The following ROBO1 variants were observed in gnomAD, a reference collection of about 807,000 sequenced individuals.
ROBO1 encodes the protein roundabout homolog 1.
In ROBO1, 149 loss-of-function variants were observed where a neutral mutation model predicts 195.9. The ratio of observed to expected loss-of-function variants is 0.76; its 90% CI spans 0.67 to 0.87. The LOEUF (loss-of-function observed/expected upper bound fraction) is 0.87. Among genes scored for constraint, ROBO1 ranks in the 40% least tolerant of loss-of-function variants. ROBO1 has a pLI of 0.00. For synonymous variants in ROBO1, 816 were observed against 733.2 expected (o/e 1.11, Z -1.82); for missense variants, 1,933 against 2,068.3 (o/e 0.93, Z 1.27).
At chr3:79,127,375 G>A (rs541753704) in intron 2 of ROBO1, among the ~76,000 whole-genome samples, 2 of 152,196 alleles carry the variant, frequency 1.3e-5, no homozygotes, top group East Asian at 1.9e-4. Context: ...TGCATGAAAC[G>A]GCTTTTAAGA....
At chr3:79,660,315 G>A (rs1038311776) in intron 1 of ROBO1, among the ~76,000 whole-genome samples, 2 of 151,840 alleles carry the variant, frequency 1.3e-5, no homozygotes, top group African/African-American at 4.8e-5. Flanking sequence ...ATTAGTGGGT[G>A]AGGTGCCATA....
intron 5 of ROBO1, among the ~76,000 whole-genome samples, chr3:78,730,761 T>C (rs944725969): frequency 4.6e-5 from 7 of 152,298 alleles, no homozygotes; most frequent in Admixed American, 2.6e-4. Context: ...TCATTTCCTA[T>C]GGAAAACACG....
At chr3:78,855,957 C>T (rs1415223127) in intron 4 of ROBO1, among the ~76,000 whole-genome samples, 9 of 151,810 alleles carry the variant, frequency 5.9e-5, no homozygotes. Context: ...CTTTTACATG[C>T]TGTTTTTATT....
intron 2 of ROBO1, among the ~76,000 whole-genome samples, chr3:79,230,005 G>A (rs1474404005): frequency 6.6e-6 from 1 of 152,066 alleles, no homozygotes; most frequent in Non-Finnish European, 1.5e-5. Flanking sequence ...TCAGCGTTCT[G>A]TGAACTTCCA....
intron 2 of ROBO1, among the ~76,000 whole-genome samples, chr3:79,230,579 C>T (rs1258818473): frequency 6.6e-6 from 1 of 151,984 alleles, no homozygotes; most frequent in Non-Finnish European, 1.5e-5. Context: ...TCCATAACAA[C>T]TATAAGCCAC....
At chr3:79,636,466 TCTC>T (rs1945499548) in intron 1 of ROBO1, among the ~76,000 whole-genome samples, 1 of 152,116 alleles carries the variant, frequency 6.6e-6, no homozygotes, top group Admixed American at 6.6e-5. Context: ...CAGGTTTTCT[TCTC>T]CTCTATCCTT....
At chr3:79,153,966 C>T (rs2080815551) in intron 2 of ROBO1, among the ~76,000 whole-genome samples, 1 of 151,554 alleles carries the variant, frequency 6.6e-6, no homozygotes, top group Non-Finnish European at 1.5e-5. Context: ...CTTAGTGAGG[C>T]TGTCGCTAAA....
intron 2 of ROBO1, among the ~76,000 whole-genome samples, chr3:79,301,040 A>G (rs2032920008): frequency 6.6e-6 from 1 of 152,164 alleles, no homozygotes; most frequent in East Asian, 1.9e-4. Context: ...CCGAGCCAGC[A>G]GTGGCAACCC....
At chr3:79,114,145 C>T (rs1464209279) in intron 3 of ROBO1, among the ~76,000 whole-genome samples, 1 of 152,120 alleles carries the variant, frequency 6.6e-6, no homozygotes, top group South Asian at 2.1e-4. Context: ...ATTATGAGGC[C>T]TCCCAGCCAC....
At chr3:79,194,602 T>C (rs1029559994) in intron 2 of ROBO1, among the ~76,000 whole-genome samples, 1 of 151,672 alleles carries the variant, frequency 6.6e-6, no homozygotes. Context: ...CGTTGGCATA[T>C]ATATAGACGT....
intron 4 of ROBO1, among the ~76,000 whole-genome samples, chr3:78,837,290 G>A (rs1299343427): frequency 1.3e-5 from 2 of 152,072 alleles, no homozygotes; most frequent in African/African-American, 4.8e-5. Flanking sequence ...TGAGTTAATA[G>A]ACAAATGCAT....
intron 28 of ROBO1, 66 bp downstream of exon 28, chr3:78,614,582 A>T: frequency 6.6e-7 from 1 of 1,508,342 alleles, no homozygotes; most frequent in Non-Finnish European, 9.0e-7. Context: ...TGCATTTGCT[A>T]GTCCTAGAGA....
chr3:79,145,360 TACACACACACATAC>T (rs745442668), intron 2 of ROBO1, among the ~76,000 whole-genome samples: 487 of 21,392 alleles, frequency 0.023, 1 homozygote, highest in East Asian at 0.12. Context: ...ATGCCAGAAA[TACACACACACATAC>T]ACACACACAC....
chr3:78,924,362 C>A (rs1466935359), intron 4 of ROBO1, among the ~76,000 whole-genome samples: 2 of 151,712 alleles, frequency 1.3e-5, no homozygotes, highest in East Asian at 1.9e-4. Context: ...GAAAAATAAT[C>A]TATAATAACA....
intron 4 of ROBO1, among the ~76,000 whole-genome samples, chr3:78,762,256 C>T (rs192518879): frequency 4.7e-4 from 72 of 152,110 alleles, no homozygotes; most frequent in African/African-American, 1.6e-3. Context: ...TCTGTGCTTA[C>T]AGACATCATG....
At chr3:79,153,135 T>C (rs1435169550) in intron 2 of ROBO1, among the ~76,000 whole-genome samples, 2 of 151,562 alleles carry the variant, frequency 1.3e-5, no homozygotes, top group Non-Finnish European at 3.0e-5. Context: ...GTAGTAGTGA[T>C]GGGCATTTTG....
At chr3:79,640,852 A>C (rs1317130101) in intron 1 of ROBO1, among the ~76,000 whole-genome samples, 1 of 152,200 alleles carries the variant, frequency 6.6e-6, no homozygotes, top group African/African-American at 2.4e-5. Context: ...TGATATTCAA[A>C]GTCAAGAGTT....
intron 2 of ROBO1, among the ~76,000 whole-genome samples, chr3:79,343,440 C>T (rs996776040): frequency 6.6e-6 from 1 of 152,040 alleles, no homozygotes; most frequent in Non-Finnish European, 1.5e-5. Flanking sequence ...TTTGCAATCC[C>T]ACCAGCAACG....
chr3:79,475,966 G>A (rs1282494344), intron 2 of ROBO1, among the ~76,000 whole-genome samples: 1 of 151,792 alleles, frequency 6.6e-6, no homozygotes, highest in African/African-American at 2.4e-5. Context: ...TATTATTAAT[G>A]GATAAAATAA....
Sources: allele counts gnomAD v4.1 joint callset (sites outside exome capture counted in the v4.1 genomes callset), GRCh38; gene constraint gnomAD v4.1.1; transcripts MANE v1.5; gene names NCBI Gene and HGNC (gene_info 2026-07-23, HGNC 2026-07-21).